The following COL25A1 variants were observed in gnomAD, a reference collection of about 807,000 sequenced individuals.
The protein encoded by COL25A1 is collagen alpha-1(XXV) chain.
A neutral mutation model predicts 128.4 loss-of-function variants in COL25A1; 103 were observed. The observed-to-expected ratio is 0.80, with a 90% CI of 0.68 to 0.94. COL25A1 has a LOEUF of 0.94. Ranked by LOEUF, COL25A1 falls within the 40% of genes least tolerant of loss-of-function variation. The pLI is 0.00. For missense variants in COL25A1, 745 were observed against 840.0 expected, an observed-to-expected ratio of 0.89 and a Z score of 1.40; for synonymous variants, 279 against 277.2, an observed-to-expected ratio of 1.01 and a Z score of -0.06.
intron 3 of COL25A1, among the ~76,000 whole-genome samples, chr4:109,059,339 C>T (rs1156565073): frequency 1.3e-5 from 2 of 152,166 alleles, no homozygotes; most frequent in Non-Finnish European, 2.9e-5. Flanking sequence ...CAGCCTGACT[C>T]TTGGATTACA....
chr4:108,819,774 C>A (rs1457556750), intron 35 of COL25A1: 2 of 1,115,582 alleles, frequency 1.8e-6, no homozygotes, highest in Non-Finnish European at 2.3e-6. Flanking sequence ...GATCCCCTCA[C>A]ACAAACATCT....
At chr4:108,902,585 G>A (rs1182754894) in intron 13 of COL25A1, among the ~76,000 whole-genome samples, 2 of 152,084 alleles carry the variant, frequency 1.3e-5, no homozygotes, top group Non-Finnish European at 2.9e-5. Flanking sequence ...CCTACATAGA[G>A]ATGATTTTTA....
chr4:109,079,445 T>A (rs1763650562), intron 3 of COL25A1, among the ~76,000 whole-genome samples: 1 of 149,620 alleles, frequency 6.7e-6, no homozygotes, highest in African/African-American at 2.6e-5. Context: ...CAAAAAATGT[T>A]GTCATTTTAT....
chr4:109,266,013 TG>T (rs1781767269), intron 3 of COL25A1, among the ~76,000 whole-genome samples: 1 of 143,300 alleles, frequency 7.0e-6, no homozygotes, highest in African/African-American at 2.5e-5. Flanking sequence ...AAACATTTCC[TG>T]TGTTAAAGTT....
chr4:108,901,163 C>G lies in COL25A1; in HGVS notation c.790G>C (p.Gly264Arg). Reference sequence around the variant, plus strand: ...TTCTGTCCTACTGCTCCAGGCAACCCGGGCTCACCCTCAAAATAGAAAAAT... The same window carrying G: ...TTCTGTCCTACTGCTCCAGGCAACCGGGGCTCACCCTCAAAATAGAAAAAT... ...PGMNGQKGEP[G>R]LPGAVGQNGI... Residue 264 changes from glycine to arginine, a missense_variant, in exon 14 of 38, where the codon GGG (glycine) becomes CGG (arginine). By Grantham distance (125) the Gly-to-Arg change is moderately radical. Around this residue, in one of 3 missense-constraint regions of COL25A1, gnomAD observed 39 missense variants for 73.3 expected, o/e 0.53. Transcript: ENST00000399132. The G allele has an allele frequency of 6.2e-7, 1 of 1,611,504 alleles. No individual in the cohort carries two copies. Among genetic ancestry groups the G allele is most frequent in the Non-Finnish European group, 8.5e-7 (1 of 1,178,128 alleles).
At chr4:109,117,981 A>G (rs975423273) in intron 3 of COL25A1, among the ~76,000 whole-genome samples, 1 of 151,910 alleles carries the variant, frequency 6.6e-6, no homozygotes, top group Non-Finnish European at 1.5e-5. Context: ...AAAATGCTCA[A>G]TTAAAACCAA....
chr4:109,182,877 A>G (rs1242762349), intron 3 of COL25A1, among the ~76,000 whole-genome samples: 29 of 152,076 alleles, frequency 1.9e-4, no homozygotes, highest in Non-Finnish European at 4.3e-4. Flanking sequence ...AGGGGAAAAA[A>G]GGTTTCCTAT....
chr4:109,122,835 G>C (rs76662861), intron 3 of COL25A1, among the ~76,000 whole-genome samples: 1 of 151,948 alleles, frequency 6.6e-6, no homozygotes, highest in Non-Finnish European at 1.5e-5. Context: ...TGAACATAGA[G>C]AAATATACTT....
intron 5 of COL25A1, among the ~76,000 whole-genome samples, chr4:109,013,640 T>C (rs1176444449): frequency 6.7e-6 from 1 of 150,094 alleles, no homozygotes; most frequent in African/African-American, 2.5e-5. Flanking sequence ...CCAGGAGGAA[T>C]GAACAACTCT....
At chr4:109,083,684 G>A (rs982334062) in intron 3 of COL25A1, among the ~76,000 whole-genome samples, 1 of 151,480 alleles carries the variant, frequency 6.6e-6, no homozygotes, top group East Asian at 1.9e-4. Context: ...GGCTGGTCTC[G>A]AACTCCTGAC....
At chr4:109,078,239 T>C (rs1763550350) in intron 3 of COL25A1, among the ~76,000 whole-genome samples, 1 of 152,218 alleles carries the variant, frequency 6.6e-6, no homozygotes, top group Non-Finnish European at 1.5e-5. Context: ...TGTTTTGCTT[T>C]GCTTTTTAAA....
At chr4:109,071,780 T>G (rs1437684479) in intron 3 of COL25A1, among the ~76,000 whole-genome samples, 1 of 152,092 alleles carries the variant, frequency 6.6e-6, no homozygotes, top group Non-Finnish European at 1.5e-5. Context: ...ATGGCGATCA[T>G]TAAAAAGTCA....
chr4:109,197,756 A>G (rs1016556069), intron 3 of COL25A1, among the ~76,000 whole-genome samples: 8 of 151,652 alleles, frequency 5.3e-5, no homozygotes, highest in Admixed American at 2.0e-4. Context: ...AAGACTCAAT[A>G]CTTGACAATA....
intron 3 of COL25A1, among the ~76,000 whole-genome samples, chr4:109,140,748 G>C (rs868646932): frequency 6.6e-6 from 1 of 152,128 alleles, no homozygotes; most frequent in Admixed American, 6.5e-5. Flanking sequence ...TATTATTGGT[G>C]TATAGGAATG....
chr4:109,121,348 G>A (rs1327813714), intron 3 of COL25A1, among the ~76,000 whole-genome samples: 2 of 152,044 alleles, frequency 1.3e-5, no homozygotes, highest in Non-Finnish European at 2.9e-5. Flanking sequence ...TGAGAAGACA[G>A]ACTGGGAGAA....
intron 3 of COL25A1, among the ~76,000 whole-genome samples, chr4:109,286,522 T>A (rs911858336): frequency 1.3e-5 from 2 of 152,206 alleles, no homozygotes; most frequent in Non-Finnish European, 2.9e-5. Context: ...CTGCAGAGTA[T>A]ATATTCTTGC....
At chr4:109,179,216 T>C (rs964858694) in intron 3 of COL25A1, among the ~76,000 whole-genome samples, 7 of 152,146 alleles carry the variant, frequency 4.6e-5, no homozygotes, top group East Asian at 1.9e-4. Flanking sequence ...ATCTCTGAGA[T>C]GCCTCCAAGC....
intron 3 of COL25A1, among the ~76,000 whole-genome samples, chr4:109,056,779 C>G (rs2125955089): frequency 6.6e-6 from 1 of 152,170 alleles, no homozygotes. Flanking sequence ...GGTGTAGTAG[C>G]CAGTGCTTTA....
intron 3 of COL25A1, among the ~76,000 whole-genome samples, chr4:109,129,464 T>C (rs1768957520): frequency 6.6e-6 from 1 of 152,146 alleles, no homozygotes; most frequent in Non-Finnish European, 1.5e-5. Flanking sequence ...TCTGTAGTTT[T>C]TCACTTGAAT....
Sources: gnomAD v4.1 joint callset for allele counts (sites outside exome capture counted in the v4.1 genomes callset) on GRCh38, gnomAD v4.1.1 for gene constraint, gnomAD v4.1.1 regional missense constraint, MANE v1.5 for transcripts, NCBI Gene and HGNC (gene_info 2026-07-23, HGNC 2026-07-21) for gene names.